Variants in CNKSR3 observed in about 807,000 individuals in gnomAD.
CNKSR3 encodes CNKSR family member 3, also known as connector enhancer of kinase suppressor of ras 3.
CNKSR3 carries 36 observed loss-of-function variants against 67.7 expected under a neutral mutation model. The ratio of observed to expected loss-of-function variants is 0.53; its 90% CI spans 0.41 to 0.70. The LOEUF (loss-of-function observed/expected upper bound fraction) is 0.70, where lower values mean the gene tolerates loss of function less well. Among genes scored for constraint, CNKSR3 ranks in the 30% least tolerant of loss-of-function variants. The probability of loss-of-function intolerance (pLI) is 0.00; values close to 1 mark genes in which losing one functional copy is unlikely to be tolerated. For synonymous variants in CNKSR3, 281 were observed against 271.4 expected (o/e 1.04, Z -0.35); for missense variants, 630 against 695.2 (o/e 0.91, Z 1.05).
chr6:154,461,497 G>T (rs1786079205), intron 1 of CNKSR3, among the ~76,000 whole-genome samples: 1 of 152,174 alleles, frequency 6.6e-6, no homozygotes, highest in South Asian at 2.1e-4. Context: ...AAACAGTATG[G>T]CCTGTGGAGC....
At chr6:154,478,034 C>T (rs1341375299) in intron 1 of CNKSR3, among the ~76,000 whole-genome samples, 4 of 152,120 alleles carry the variant, frequency 2.6e-5, no homozygotes, top group East Asian at 1.9e-4. Flanking sequence ...ACAGGGCAGG[C>T]GGTAAGTGCT....
chr6:154,500,217 C>A (rs1786968665), intron 1 of CNKSR3, among the ~76,000 whole-genome samples: 1 of 151,308 alleles, frequency 6.6e-6, no homozygotes. Context: ...TGAGAACATG[C>A]AAAATTGTTC....
chr6:154,498,760 G>A lies in CNKSR3; in HGVS notation c.52+11303C>T, dbSNP rs184040693. On this transcript the variant is annotated intron_variant, in intron 1 of 12. Transcript: ENST00000607772. ...CAAATTCCATCTACACTGATTCAAC[G>A]TTCACAACGCCCACCTACTAAGACA... Among the ~76,000 whole-genome samples, 568 of 152,246 alleles carry A rather than the reference G, an allele frequency of 3.7e-3. 1 individual carries two copies. Among genetic ancestry groups the A allele is most frequent in the African/African-American group, 8.6e-3 (358 of 41,534 alleles).
chr6:154,451,252 C>G (rs1468009729), intron 1 of CNKSR3, among the ~76,000 whole-genome samples: 1 of 152,162 alleles, frequency 6.6e-6, no homozygotes, highest in Non-Finnish European at 1.5e-5. Flanking sequence ...TATTCCTGTA[C>G]AGAGAACTTG....
At chr6:154,489,783 C>T (rs139164404) in intron 1 of CNKSR3, among the ~76,000 whole-genome samples, 138 of 152,244 alleles carry the variant, frequency 9.1e-4, no homozygotes, top group African/African-American at 3.1e-3. Context: ...TATGCTTTGG[C>T]TTATCCCACC....
At chr6:154,439,745 A>T (rs1785543156) in intron 4 of CNKSR3, among the ~76,000 whole-genome samples, 1 of 152,166 alleles carries the variant, frequency 6.6e-6, no homozygotes, top group African/African-American at 2.4e-5. Flanking sequence ...ATGAAAAATT[A>T]GCTGGGCATG....
chr6:154,399,816 G>C lies in CNKSR3; in HGVS notation c.*6538C>G, dbSNP rs1247028899. On this transcript the variant is annotated 3_prime_UTR_variant, in exon 13 of 13. Transcript: ENST00000607772. ...AAAATAATCAAAATGTTCAGCCCAA[G>C]ATATGTCAAAATGGTGAAGAAATAT... 6.6e-6 allele frequency: 1 copy of C among 152,028 alleles called. No individual in the cohort carries two copies. The highest frequency in any genetic ancestry group is 2.4e-5 in the African/African-American group (1 of 41,406). 9.4% of individuals were successfully genotyped at this position (152,028 alleles called of 1,614,324 possible).
chr6:154,466,813 A>C (rs1786212233), intron 1 of CNKSR3, among the ~76,000 whole-genome samples: 1 of 146,296 alleles, frequency 6.8e-6, no homozygotes, highest in African/African-American at 2.6e-5. Flanking sequence ...TTTTATAGAG[A>C]CAGGGTCTCG....
rs1784780471 is a variant in CNKSR3, at chr6:154,406,060, C to T, written c.*294G>A. ...TCACAATGACCATAACGTCTCTGGC[C>T]AGGACTGCGATTTCTAGCGCGTGTC... On this transcript the variant is annotated 3_prime_UTR_variant, in exon 13 of 13. Transcript: ENST00000607772. 5 of 362,208 alleles carry T rather than the reference C, an allele frequency of 1.4e-5. No individual in the cohort carries two copies. The South Asian group carries it at 1.5e-4, about 11-fold the overall frequency. The allele number at this position is 362,208 out of a possible 1,614,324, so 22.4% of individuals were successfully genotyped here.
chr6:154,408,083 G>A (rs1200156613), intron 12 of CNKSR3, among the ~76,000 whole-genome samples: 1 of 152,034 alleles, frequency 6.6e-6, no homozygotes, highest in Non-Finnish European at 1.5e-5. Context: ...GGAGTGCAAT[G>A]GAGAGGTCTG....
At chr6:154,419,172 A>T (rs1322616558) in intron 9 of CNKSR3, among the ~76,000 whole-genome samples, 15 of 151,918 alleles carry the variant, frequency 9.9e-5, no homozygotes, top group Admixed American at 9.9e-4. Context: ...TAGCTGGGAC[A>T]ACAGGTACGT....
intron 12 of CNKSR3, among the ~76,000 whole-genome samples, chr6:154,408,011 T>C (rs1354712559): frequency 6.6e-6 from 1 of 152,048 alleles, no homozygotes; most frequent in Non-Finnish European, 1.5e-5. Context: ...TTTTACATAG[T>C]ATTATTGAAT....
chr6:154,411,259 C>A, intron 10 of CNKSR3, 117 bp from the exon 11 acceptor site: 1 of 733,310 alleles, frequency 1.4e-6, no homozygotes, highest in South Asian at 2.0e-5. Flanking sequence ...TCCTTTTCCA[C>A]TGGAGGAAAA....
chr6:154,438,344 C>A (rs1456962018), intron 4 of CNKSR3, among the ~76,000 whole-genome samples: 1 of 151,998 alleles, frequency 6.6e-6, no homozygotes, highest in Non-Finnish European at 1.5e-5. Context: ...ACTTCGTATA[C>A]AAGTTTGTAT....
Position 154,428,128 on chromosome 6 carries a change from A to G in CNKSR3, c.729T>C (p.Asn243=). The G allele has an allele frequency of 6.3e-7, 1 of 1,595,746 alleles. No individual in the cohort carries two copies. Among genetic ancestry groups the G allele is most frequent in the African/African-American group, 1.3e-5 (1 of 74,676 alleles). Residue 243 remains asparagine (N), a splice_region_variant and synonymous_variant, in exon 7 of 13, where the codon AAT becomes AAC. Coordinates refer to ENST00000607772, the MANE Select transcript of CNKSR3 (RefSeq NM_173515.4). The part of the protein sequence containing the change: ...GLHVITGTTE[N]SPADRSQKIH... The stretch of plus-strand genomic sequence containing the variant: ...TTACACTTAATGAATATACACTTAC[A>G]TTTTCTGTGGTTCCAGTAATCACGT...
In CNKSR3 at chr6:154,430,577, A is replaced by G. The variant is rs377619861; in HGVS notation, c.564T>C (p.Asn188=). ...DKVLTVVKVL[N]GICDKTIRST... ...ATCGGATTGTTTTGTCACAGATGCC[A>G]TTTAAAACCTTGACCTAGAATTGGA... The change falls in exon 6 of 13, where the codon AAT becomes AAC. Residue 188 remains asparagine, a synonymous_variant. Transcript: ENST00000607772. The G allele has an allele frequency of 1.2e-6, 2 of 1,610,470 alleles. No homozygotes were observed. The highest frequency in any genetic ancestry group is 1.7e-6 in the Non-Finnish European group (2 of 1,178,860).
chr6:154,390,286 T>G lies in CNKSR3; in HGVS notation c.*16068A>C, dbSNP rs1584036316. 1.3e-5 allele frequency: 2 copies of G among 152,342 alleles called. No homozygotes were observed. Among genetic ancestry groups the G allele is most frequent in the Admixed American group, 6.5e-5 (1 of 15,296 alleles). The allele number at this position is 152,342 out of a possible 1,614,324, so 9.4% of individuals were successfully genotyped here. ...TCCCTTCTAGGCTGATTAGAGTTGG[T>G]TATCCCCTTGACTGTCAACTCTGCA... On this transcript the variant is annotated 3_prime_UTR_variant, in exon 13 of 13. Coordinates refer to ENST00000607772, the MANE Select transcript of CNKSR3 (RefSeq NM_173515.4).
At chr6:154,490,023 T>G (rs1786755609) in intron 1 of CNKSR3, among the ~76,000 whole-genome samples, 2 of 152,014 alleles carry the variant, frequency 1.3e-5, no homozygotes, top group Admixed American at 1.3e-4. Flanking sequence ...TCCCCTTTCC[T>G]CTCCCACTCC....
At chr6:154,445,762 T>G (rs546284671) in intron 2 of CNKSR3, among the ~76,000 whole-genome samples, 2 of 152,214 alleles carry the variant, frequency 1.3e-5, no homozygotes, top group African/African-American at 4.8e-5. Context: ...CAGTTTGCTC[T>G]TTTTCTTCCC....
Sources: gnomAD v4.1 joint callset for allele counts (sites outside exome capture counted in the v4.1 genomes callset) on GRCh38, gnomAD v4.1.1 for gene constraint, MANE v1.5 for transcripts, NCBI Gene and HGNC (gene_info 2026-07-23, HGNC 2026-07-21) for gene names.